The following FAM174B variants were observed in gnomAD, a reference collection of about 807,000 sequenced individuals.
The protein encoded by FAM174B is membrane protein FAM174B.
In FAM174B, 12 loss-of-function variants were observed where a neutral mutation model predicts 10.9. The ratio of observed to expected loss-of-function variants is 1.10; its 90% CI spans 0.71 to 1.79. FAM174B has a LOEUF of 1.79. Ranked by LOEUF, FAM174B falls within the 40% of genes most tolerant of loss-of-function variation. The pLI is 0.00. For missense variants in FAM174B, 266 were observed against 233.3 expected, an observed-to-expected ratio of 1.14 and a Z score of -0.91; for synonymous variants, 132 against 115.8, an observed-to-expected ratio of 1.14 and a Z score of -0.90.
chr15:92,623,339 T>C (rs2050732092), intron 2 of FAM174B, among the ~76,000 whole-genome samples: 1 of 152,094 alleles, frequency 6.6e-6, no homozygotes, highest in South Asian at 2.1e-4. Context: ...GGCCCCCTTC[T>C]CATCCCCCAG....
At chr15:92,628,432 G>A (rs904267814) in intron 2 of FAM174B, among the ~76,000 whole-genome samples, 4 of 146,708 alleles carry the variant, frequency 2.7e-5, no homozygotes, top group East Asian at 2.0e-4. Context: ...TGCACTCCTC[G>A]GCCTCTCAAA....
chr15:92,621,982 G>C (rs1345066074), intron 2 of FAM174B, among the ~76,000 whole-genome samples: 1 of 152,208 alleles, frequency 6.6e-6, no homozygotes, highest in African/African-American at 2.4e-5. Flanking sequence ...AGATTTTAAA[G>C]ACCAAGAATC....
intron 2 of FAM174B, among the ~76,000 whole-genome samples, chr15:92,628,078 A>G (rs545185254): frequency 2.0e-4 from 31 of 152,242 alleles, no homozygotes; most frequent in Non-Finnish European, 4.1e-4. Flanking sequence ...TCCCTAAATT[A>G]TTCCTAATAC....
chr15:92,629,820 G>A (rs2050778860), intron 2 of FAM174B, among the ~76,000 whole-genome samples: 1 of 152,082 alleles, frequency 6.6e-6, no homozygotes, highest in Non-Finnish European at 1.5e-5. Context: ...GCCTTCCCGT[G>A]CTGCTCTCGT....
At chr15:92,620,883 G>T (rs139250892) in intron 2 of FAM174B, among the ~76,000 whole-genome samples, 1 of 151,576 alleles carries the variant, frequency 6.6e-6, no homozygotes, top group East Asian at 1.9e-4. Flanking sequence ...AGAAAAGGAG[G>T]GAAAATTTGA....
chr15:92,636,784 A>ACC (rs935760547), intron 1 of FAM174B, among the ~76,000 whole-genome samples: 18 of 151,218 alleles, frequency 1.2e-4, no homozygotes, highest in Admixed American at 1.2e-3. Flanking sequence ...CTGCTCTGTC[A>ACC]CCCCCACTCA....
intron 1 of FAM174B, among the ~76,000 whole-genome samples, chr15:92,650,682 T>G (rs1471656898): frequency 6.6e-6 from 1 of 152,240 alleles, no homozygotes; most frequent in Non-Finnish European, 1.5e-5. Context: ...AAGGTACTGA[T>G]ACCAGCAGTC....
intron 1 of FAM174B, among the ~76,000 whole-genome samples, chr15:92,637,000 A>G (rs113319660): frequency 0.041 from 6,277 of 152,288 alleles, 164 homozygotes; most frequent in African/African-American, 0.08. Context: ...GTTTGCAGCC[A>G]GCCCACGCCC....
intron 1 of FAM174B, among the ~76,000 whole-genome samples, chr15:92,652,180 G>A (rs2050970705): frequency 6.6e-6 from 1 of 152,234 alleles, no homozygotes. Flanking sequence ...GGGAAACACA[G>A]AAGATTAATG....
At chr15:92,655,199 C>T (rs1276703268) in intron 1 of FAM174B, 117 bp downstream of exon 1, 2 of 1,376,742 alleles carry the variant, frequency 1.5e-6, no homozygotes, top group Non-Finnish European at 1.9e-6. Context: ...AGGCACACGG[C>T]TGGCTGGGGC....
At chr15:92,628,053 G>A (rs2050765372) in intron 2 of FAM174B, among the ~76,000 whole-genome samples, 1 of 152,066 alleles carries the variant, frequency 6.6e-6, no homozygotes, top group Non-Finnish European at 1.5e-5. Flanking sequence ...ACATTCTCTA[G>A]TATACTTTAA....
chr15:92,654,771 C>G (rs542106928), intron 1 of FAM174B, among the ~76,000 whole-genome samples: 1 of 137,690 alleles, frequency 7.3e-6, no homozygotes, highest in Non-Finnish European at 1.6e-5. Flanking sequence ...ACACTAGAAA[C>G]TGCTTCTTTC....
In FAM174B at chr15:92,655,643, A is replaced by G. The variant is rs1363641019; in HGVS notation, c.17T>C (p.Leu6Pro). Residue 6 changes from leucine to proline, a missense_variant, in exon 1 of 3, where the codon CTG becomes CCG. Leu to Pro is a moderately conservative substitution (Grantham distance 98). Transcript: ENST00000327355. MRAVP[L>P]PAPLLPLLLL... ...CAGCAGCGGCAGGAGCGGGGCGGGC[A>G]GCGGCACGGCGCGCATAGTGCGGTG... 2.4e-6 allele frequency: 3 copies of G among 1,255,064 alleles called. No individual in the cohort carries two copies. Among genetic ancestry groups the G allele is most frequent in the East Asian group, 6.5e-5 (2 of 30,754 alleles). The allele number at this position is 1,255,064 out of a possible 1,614,324, so 77.7% of individuals were successfully genotyped here. A position where few individuals can be genotyped will look rare whatever the true frequency, so the allele number is the denominator to read the frequency against.
chr15:92,632,861 C>A (rs1260202708), intron 1 of FAM174B, among the ~76,000 whole-genome samples: 1 of 152,140 alleles, frequency 6.6e-6, no homozygotes, highest in East Asian at 1.9e-4. Context: ...TAGAGGGTCA[C>A]TGTGGGCTGC....
rs547783172 is a variant in FAM174B, at chr15:92,621,016, C to T, written c.477-1557G>A. ...TAATGAACTTCCTGTCATAATATTACATAATACCAAATATATTACCATAAC... is the reference window on the plus strand; with the variant it reads ...TAATGAACTTCCTGTCATAATATTATATAATACCAAATATATTACCATAAC... On this transcript the variant is annotated intron_variant, in intron 2 of 2. Coordinates refer to ENST00000327355, the MANE Select transcript of FAM174B (RefSeq NM_207446.3). 3.9e-5 allele frequency among the ~76,000 whole-genome samples: 6 copies of T among 152,184 alleles called. No individual in the cohort carries two copies. The South Asian group carries it at 6.2e-4, about 16-fold the overall frequency.
intron 1 of FAM174B, among the ~76,000 whole-genome samples, chr15:92,647,229 C>T (rs1042987951): frequency 9.8e-5 from 15 of 152,340 alleles, no homozygotes; most frequent in Non-Finnish European, 1.9e-4. Flanking sequence ...AAGCTTGCTT[C>T]ACCCATCTGG....
At chr15:92,649,240 C>A (rs1297889603) in intron 1 of FAM174B, among the ~76,000 whole-genome samples, 1 of 152,204 alleles carries the variant, frequency 6.6e-6, no homozygotes, top group East Asian at 1.9e-4. Context: ...ATTTTCTTCC[C>A]TTTCCAATTT....
rs757067603 is a variant in FAM174B, at chr15:92,655,661, G to C, written c.-2C>G. ...GGCGGGCAGCGGCACGGCGCGCATA[G>C]TGCGGTGGGTCGGCACAGGATCGGG... is the stretch of plus-strand genomic sequence containing the variant. On this transcript the variant is annotated 5_prime_UTR_variant, in exon 1 of 3. Transcript: ENST00000327355. The C allele has an allele frequency of 1.6e-6, 2 of 1,258,348 alleles. No homozygotes were observed. Among genetic ancestry groups the C allele is most frequent in the African/African-American group, 1.6e-5 (1 of 64,512 alleles). 77.9% of individuals were successfully genotyped at this position (1,258,348 alleles called of 1,614,324 possible).
At position 92,652,680 on chromosome 15, in the gene FAM174B, A is replaced by C. The variant is rs1020669268; in HGVS notation, c.344+2636T>G. Among the ~76,000 whole-genome samples, 4 of 152,210 alleles carry C rather than the reference A, an allele frequency of 2.6e-5. 1 individual carries two copies. The highest frequency in any genetic ancestry group is 9.6e-5 in the African/African-American group (4 of 41,454). ...ATATTATTGCAATTCAGGAGCGACA[A>C]GGTAGAAACGGCGGCAGGTGGCGAA... is the stretch of plus-strand genomic sequence containing the variant. On this transcript the variant is annotated intron_variant, in intron 1 of 2. Transcript: ENST00000327355.
Sources: gnomAD v4.1 joint callset for allele counts (sites outside exome capture counted in the v4.1 genomes callset) on GRCh38, gnomAD v4.1.1 for gene constraint, MANE v1.5 for transcripts, NCBI Gene and HGNC (gene_info 2026-07-23, HGNC 2026-07-21) for gene names.